The following SLC4A10 variants were observed in gnomAD, a reference collection of about 807,000 sequenced individuals.
The protein encoded by SLC4A10 is solute carrier family 4 member 10.
In SLC4A10, 42 loss-of-function variants were observed where a neutral mutation model predicts 137.7. The observed-to-expected ratio is 0.30, with a 90% CI of 0.24 to 0.39. The LOEUF is 0.39. Among genes scored for constraint, SLC4A10 ranks in the 10% least tolerant of loss-of-function variants. The probability of loss-of-function intolerance (pLI) is 1.00; values close to 1 mark genes in which losing one functional copy is unlikely to be tolerated. For missense variants in SLC4A10, 925 were observed against 1,355.0 expected (o/e 0.68, Z 4.98); for synonymous variants, 474 against 464.1 (o/e 1.02, Z -0.27).
chr2:161,885,096 T>G (rs1170224991), intron 10 of SLC4A10, among the ~76,000 whole-genome samples: 1 of 152,210 alleles, frequency 6.6e-6, no homozygotes, highest in South Asian at 2.1e-4. Flanking sequence ...GAGAATCACT[T>G]GAACCTGGGA....
intron 1 of SLC4A10, among the ~76,000 whole-genome samples, chr2:161,649,252 T>G (rs2036479209): frequency 6.6e-6 from 1 of 152,138 alleles, no homozygotes; most frequent in Admixed American, 6.5e-5. Context: ...TCCCAGCTAC[T>G]CGGAAAGCTG....
chr2:161,668,296 A>G (rs1021530793), intron 1 of SLC4A10, among the ~76,000 whole-genome samples: 2 of 151,858 alleles, frequency 1.3e-5, no homozygotes, highest in African/African-American at 4.8e-5. Flanking sequence ...AGGCATCAAG[A>G]AAATTTAGCC....
At chr2:161,660,447 A>G (rs1449632500) in intron 1 of SLC4A10, among the ~76,000 whole-genome samples, 5 of 152,202 alleles carry the variant, frequency 3.3e-5, no homozygotes, top group African/African-American at 1.2e-4. Context: ...AGTATATGAG[A>G]GCATTATTGT....
At chr2:161,833,870 A>G (rs1255127595) in intron 3 of SLC4A10, among the ~76,000 whole-genome samples, 2 of 152,040 alleles carry the variant, frequency 1.3e-5, no homozygotes, top group African/African-American at 4.8e-5. Flanking sequence ...AAAGTTTCCA[A>G]CTCTGCCTCT....
intron 1 of SLC4A10, among the ~76,000 whole-genome samples, chr2:161,770,758 A>G (rs900300067): frequency 6.6e-6 from 1 of 151,894 alleles, no homozygotes; most frequent in Non-Finnish European, 1.5e-5. Context: ...CTCCAATGTT[A>G]TAAAAAACCA....
At chr2:161,816,879 T>C (rs1214297042) in intron 3 of SLC4A10, among the ~76,000 whole-genome samples, 3 of 152,166 alleles carry the variant, frequency 2.0e-5, no homozygotes, top group Non-Finnish European at 4.4e-5. Context: ...CAGTCTATCA[T>C]TGTTGGACAT....
chr2:161,711,143 C>A (rs2044251290), intron 1 of SLC4A10, among the ~76,000 whole-genome samples: 2 of 151,716 alleles, frequency 1.3e-5, no homozygotes, highest in African/African-American at 4.8e-5. Context: ...TCGTATAGGG[C>A]TTTATAAACT....
At chr2:161,820,671 C>T (rs559781069) in intron 3 of SLC4A10, among the ~76,000 whole-genome samples, 14 of 152,242 alleles carry the variant, frequency 9.2e-5, no homozygotes, top group East Asian at 1.9e-4. Flanking sequence ...TCTATATGCA[C>T]GGTATGTATG....
Position 161,695,513 on chromosome 2 carries a change from C to T in SLC4A10, c.48+70947C>T, listed in dbSNP as rs760638760. On this transcript the variant is annotated intron_variant, in intron 1 of 26. Coordinates refer to ENST00000446997, the MANE Select transcript of SLC4A10 (RefSeq NM_001178015.2). ...CAATCTAAAATTACACTGATATCAA[C>T]TCTTAAGTGTAGTTCTTTGAAGACT... Among the ~76,000 whole-genome samples the T allele has an allele frequency of 2.2e-4, 33 of 152,094 alleles. 1 individual carries two copies. The highest frequency in any genetic ancestry group is 2.0e-3 in the Admixed American group (30 of 15,254).
chr2:161,694,693 G>C (rs997548215), intron 1 of SLC4A10, among the ~76,000 whole-genome samples: 2 of 151,994 alleles, frequency 1.3e-5, no homozygotes, highest in African/African-American at 4.8e-5. Context: ...AGAGTTGCTA[G>C]TTGGCTGAAT....
intron 3 of SLC4A10, among the ~76,000 whole-genome samples, chr2:161,826,498 A>T (rs2058028489): frequency 6.6e-6 from 1 of 152,216 alleles, no homozygotes; most frequent in Non-Finnish European, 1.5e-5. Context: ...AATATTGTCC[A>T]GAAAGTGTCT....
At chr2:161,946,771 G>A (rs1391110357) in intron 16 of SLC4A10, among the ~76,000 whole-genome samples, 5 of 152,014 alleles carry the variant, frequency 3.3e-5, no homozygotes, top group Non-Finnish European at 5.9e-5. Flanking sequence ...GGCTCTTACA[G>A]AACTACAGTT....
chr2:161,928,763 T>C (rs533535608), intron 15 of SLC4A10, among the ~76,000 whole-genome samples: 3 of 151,686 alleles, frequency 2.0e-5, no homozygotes, highest in Non-Finnish European at 4.4e-5. Flanking sequence ...CTCCCATCTA[T>C]AAAATGTAGC....
At chr2:161,882,598 A>G (rs1183948683) in intron 10 of SLC4A10, among the ~76,000 whole-genome samples, 154 bp downstream of exon 10, 3 of 152,076 alleles carry the variant, frequency 2.0e-5, no homozygotes, top group African/African-American at 7.2e-5. Context: ...CTTTAGAAAA[A>G]TGTTTCCCAA....
chr2:161,722,124 C>T (rs528172116), intron 1 of SLC4A10, among the ~76,000 whole-genome samples: 25 of 152,176 alleles, frequency 1.6e-4, no homozygotes, highest in South Asian at 8.3e-4. Context: ...TGGGTTAGAA[C>T]GTACTCCTTT....
chr2:161,771,199 T>C, intron 2 of SLC4A10, 145 bp downstream of exon 2: 5 of 617,660 alleles, frequency 8.1e-6, no homozygotes, highest in Non-Finnish European at 1.4e-5. Context: ...TCTGATTGTT[T>C]TGGTACAGTT....
intron 2 of SLC4A10, among the ~76,000 whole-genome samples, chr2:161,799,371 A>T (rs1371936107): frequency 1.3e-5 from 2 of 151,902 alleles, no homozygotes; most frequent in African/African-American, 4.8e-5. Flanking sequence ...ATCCGGGTGA[A>T]AAATTCAATT....
chr2:161,696,247 C>A (rs1184170028), intron 1 of SLC4A10, among the ~76,000 whole-genome samples: 4 of 151,512 alleles, frequency 2.6e-5, no homozygotes, highest in Non-Finnish European at 5.9e-5. Flanking sequence ...AGAACTCATC[C>A]TTTTTTATGG....
intron 1 of SLC4A10, among the ~76,000 whole-genome samples, chr2:161,725,311 AC>A: frequency 6.6e-6 from 1 of 152,242 alleles, no homozygotes; most frequent in Middle Eastern, 3.4e-3. Context: ...GTCCTGGGAA[AC>A]TTTTTTCACC....
Sources: gnomAD v4.1 joint callset for allele counts (sites outside exome capture counted in the v4.1 genomes callset) on GRCh38, gnomAD v4.1.1 for gene constraint, MANE v1.5 for transcripts, NCBI Gene and HGNC (gene_info 2026-07-23, HGNC 2026-07-21) for gene names.